FOXP1: variants seen among roughly 807,000 people sequenced by gnomAD.
The protein encoded by FOXP1 is forkhead box P1.
A neutral mutation model predicts 98.2 loss-of-function variants in FOXP1; 15 were observed. The ratio of observed to expected loss-of-function variants is 0.15; its 90% CI spans 0.10 to 0.24. The LOEUF is 0.24. FOXP1 is among the 10% of genes least tolerant of loss of function. The pLI is 1.00. For synonymous variants in FOXP1, 371 were observed against 314.5 expected (o/e 1.18, Z -1.90); for missense variants, 633 against 848.5 (o/e 0.75, Z 3.15).
intron 3 of FOXP1, among the ~76,000 whole-genome samples, chr3:71,427,889 G>A (rs1354933359): frequency 6.6e-6 from 1 of 151,568 alleles, no homozygotes; most frequent in Non-Finnish European, 1.5e-5. Context: ...TGCCTATGTG[G>A]AGATCTGAAT....
chr3:71,417,973 GT>G (rs5850011), intron 3 of FOXP1, among the ~76,000 whole-genome samples: 20,264 of 146,640 alleles, frequency 0.14, 1,591 homozygotes, highest in South Asian at 0.22. Context: ...TGTTATCCTA[GT>G]TTTTTTTTTT....
intron 7 of FOXP1, among the ~76,000 whole-genome samples, chr3:71,067,311 T>C (rs1359510414): frequency 1.3e-5 from 2 of 152,234 alleles, no homozygotes; most frequent in Non-Finnish European, 1.5e-5. Context: ...CCTGTGGTCC[T>C]GTGTACTTGC....
intron 8 of FOXP1, 115 bp downstream of exon 8, chr3:71,053,521 C>T: frequency 7.5e-7 from 1 of 1,332,692 alleles, no homozygotes; most frequent in South Asian, 1.2e-5. Context: ...ACCCACGCTG[C>T]TTTACTCTTC....
intron 13 of FOXP1, among the ~76,000 whole-genome samples, chr3:70,991,611 C>T (rs1488033244): frequency 6.6e-6 from 1 of 152,152 alleles, no homozygotes; most frequent in African/African-American, 2.4e-5. Context: ...AAACAAAACT[C>T]TGCTGAAATA....
intron 4 of FOXP1, among the ~76,000 whole-genome samples, chr3:71,347,983 C>T (rs908946238): frequency 1.3e-5 from 2 of 151,992 alleles, no homozygotes; most frequent in Non-Finnish European, 2.9e-5. Flanking sequence ...GAACCCTATA[C>T]ATATGATGTG....
chr3:71,460,228 G>C (rs1049030398), intron 3 of FOXP1, among the ~76,000 whole-genome samples: 7 of 141,588 alleles, frequency 4.9e-5, no homozygotes, highest in African/African-American at 1.5e-4. Flanking sequence ...AGGAGTAAAG[G>C]CTTTGTTTGT....
chr3:71,255,501 C>T (rs577946981), intron 5 of FOXP1, among the ~76,000 whole-genome samples: 20 of 152,256 alleles, frequency 1.3e-4, no homozygotes, highest in African/African-American at 4.8e-4. Context: ...CCCATCTTAA[C>T]AATCTTCTTT....
intron 7 of FOXP1, among the ~76,000 whole-genome samples, chr3:71,106,800 A>C (rs1485871875): frequency 1.4e-5 from 2 of 142,828 alleles, no homozygotes; most frequent in Admixed American, 1.4e-4. Flanking sequence ...TTGAGCTAGG[A>C]TCTTGCTCTG....
intron 2 of FOXP1, among the ~76,000 whole-genome samples, chr3:71,560,704 A>C (rs2046468775): frequency 6.6e-6 from 1 of 152,256 alleles, no homozygotes; most frequent in South Asian, 2.1e-4. Flanking sequence ...ATATCTATAC[A>C]ATGAAATATT....
chr3:71,543,362 C>T (rs1395932249), intron 2 of FOXP1: 1 of 152,226 alleles, frequency 6.6e-6, no homozygotes, highest in East Asian at 1.9e-4. Flanking sequence ...CTGCAGAAGT[C>T]GACTTGCAAA....
chr3:71,340,294 A>G (rs1039827634), intron 4 of FOXP1, among the ~76,000 whole-genome samples: 30 of 152,360 alleles, frequency 2.0e-4, no homozygotes, highest in African/African-American at 7.2e-4. Context: ...TGCAGAAACT[A>G]GACAGTTATA....
At chr3:71,160,299 TC>T (rs2061071278) in intron 6 of FOXP1, among the ~76,000 whole-genome samples, 1 of 152,164 alleles carries the variant, frequency 6.6e-6, no homozygotes, top group African/African-American at 2.4e-5. Context: ...TGATTTACAC[TC>T]CTAGAGATAA....
intron 3 of FOXP1, among the ~76,000 whole-genome samples, chr3:71,371,240 G>C (rs1410714552): frequency 1.6e-4 from 25 of 152,266 alleles, no homozygotes; most frequent in Non-Finnish European, 2.9e-5. Context: ...CCTTGTATTG[G>C]TGCGTAGCTG....
chr3:71,106,904 GCT>G (rs1287355046), intron 7 of FOXP1, among the ~76,000 whole-genome samples: 3 of 151,534 alleles, frequency 2.0e-5, no homozygotes, highest in South Asian at 2.1e-4. Flanking sequence ...CATCAGAGTA[GCT>G]GGGACTACAG....
intron 2 of FOXP1, among the ~76,000 whole-genome samples, chr3:71,579,403 G>A (rs1405418861): frequency 2.0e-5 from 3 of 152,060 alleles, no homozygotes; most frequent in Non-Finnish European, 2.9e-5. Flanking sequence ...AGTAATTACT[G>A]TTACTACTCC....
intron 2 of FOXP1, among the ~76,000 whole-genome samples, chr3:71,522,676 ATGC>A (rs1412192408): frequency 6.6e-6 from 1 of 152,208 alleles, no homozygotes; most frequent in East Asian, 1.9e-4. Flanking sequence ...TTCTGGGCCA[ATGC>A]CAGCCTCTGC....
intron 7 of FOXP1, among the ~76,000 whole-genome samples, chr3:71,058,931 TTC>T (rs2051078281): frequency 1.3e-5 from 2 of 151,500 alleles, no homozygotes; most frequent in Non-Finnish European, 2.9e-5. Flanking sequence ...GAAAGTAAAA[TTC>T]TGTTTCATTA....
chr3:71,143,365 GA>G (rs2060160959), intron 6 of FOXP1, among the ~76,000 whole-genome samples: 1 of 152,188 alleles, frequency 6.6e-6, no homozygotes, highest in Non-Finnish European at 1.5e-5. Flanking sequence ...GGGAAAAAGT[GA>G]AAGGAGGTCA....
intron 3 of FOXP1, among the ~76,000 whole-genome samples, chr3:71,408,629 T>C (rs1415130681): frequency 6.6e-6 from 1 of 152,226 alleles, no homozygotes; most frequent in East Asian, 1.9e-4. Flanking sequence ...AGCATTTAGA[T>C]GAGATAGTAA....
Sources: allele counts gnomAD v4.1 joint callset (sites outside exome capture counted in the v4.1 genomes callset), GRCh38; gene constraint gnomAD v4.1.1; transcripts MANE v1.5; gene names NCBI Gene and HGNC (gene_info 2026-07-23, HGNC 2026-07-21).